The following LEKR1 variants were observed in gnomAD, a reference collection of about 807,000 sequenced individuals.
The protein encoded by LEKR1 is protein LEKR1.
LEKR1 carries 59 observed loss-of-function variants against 72.4 expected under a neutral mutation model. The observed-to-expected ratio is 0.82, with a 90% confidence interval of 0.66 to 1.01. LEKR1 has a LOEUF of 1.01. Ranked by LOEUF, LEKR1 falls within the 50% of genes least tolerant of loss-of-function variation. The pLI is 0.00. For missense variants in LEKR1, 728 were observed against 759.2 expected (o/e 0.96, Z 0.48); for synonymous variants, 257 against 263.2 (o/e 0.98, Z 0.23).
chr3:157,043,360 T>C (rs148034543), intron 12 of LEKR1, among the ~76,000 whole-genome samples: 1 of 152,094 alleles, frequency 6.6e-6, no homozygotes. Context: ...GCAAAAAATA[T>C]AATGGATTGG....
intron 3 of LEKR1, among the ~76,000 whole-genome samples, chr3:156,863,794 T>A (rs7630909): frequency 0.3 from 46,101 of 151,860 alleles, 9,971 homozygotes; most frequent in African/African-American, 0.61. Flanking sequence ...TGGTAAGTTA[T>A]GGTAGAGTGA....
At chr3:156,978,953 G>C (rs1371404532) in intron 6 of LEKR1, among the ~76,000 whole-genome samples, 1 of 152,138 alleles carries the variant, frequency 6.6e-6, no homozygotes. Flanking sequence ...CAGCATGGTG[G>C]TGGGGGCAGA....
chr3:156,863,933 G>T (rs1717039262), intron 3 of LEKR1, among the ~76,000 whole-genome samples: 1 of 152,022 alleles, frequency 6.6e-6, no homozygotes, highest in Non-Finnish European at 1.5e-5. Context: ...ACCAGGGTTG[G>T]TTGAGTTGAC....
At chr3:156,993,042 T>A in intron 8 of LEKR1, 32 bp from the exon 9 acceptor site, 1 of 1,165,970 alleles carries the variant, frequency 8.6e-7, no homozygotes, top group Non-Finnish European at 1.2e-6. Context: ...ATATAATGTA[T>A]GTTGGTGGGT....
At chr3:156,968,144 A>G (rs577696419) in intron 6 of LEKR1, among the ~76,000 whole-genome samples, 1 of 152,318 alleles carries the variant, frequency 6.6e-6, no homozygotes, top group South Asian at 2.1e-4. Flanking sequence ...ATGGAAAGGA[A>G]CAACCAGTAC....
At chr3:156,971,464 G>T (rs1306470771) in intron 6 of LEKR1, among the ~76,000 whole-genome samples, 1 of 152,136 alleles carries the variant, frequency 6.6e-6, no homozygotes, top group Non-Finnish European at 1.5e-5. Context: ...CAAAAGCAAT[G>T]ACAACAAAAG....
intron 12 of LEKR1, among the ~76,000 whole-genome samples, chr3:157,033,744 A>G (rs1313033514): frequency 6.6e-6 from 1 of 152,194 alleles, no homozygotes; most frequent in Non-Finnish European, 1.5e-5. Flanking sequence ...ACATGGAACA[A>G]CCTTCTATTG....
intron 12 of LEKR1, among the ~76,000 whole-genome samples, chr3:157,028,721 A>C (rs1186206772): frequency 6.6e-6 from 1 of 152,142 alleles, no homozygotes; most frequent in African/African-American, 2.4e-5. Flanking sequence ...TTTATGTCTT[A>C]TTTGTTTTAA....
At chr3:156,870,086 C>A (rs548569777) in intron 3 of LEKR1, among the ~76,000 whole-genome samples, 1 of 152,048 alleles carries the variant, frequency 6.6e-6, no homozygotes, top group Non-Finnish European at 1.5e-5. Context: ...ATGCCAATTG[C>A]ATGTTGTTTT....
chr3:156,891,152 G>A (rs1245806960), intron 3 of LEKR1, among the ~76,000 whole-genome samples: 1 of 152,060 alleles, frequency 6.6e-6, no homozygotes, highest in African/African-American at 2.4e-5. Flanking sequence ...GATTACAGGC[G>A]TGAGGCACTG....
chr3:156,829,272 A>G lies in LEKR1; in HGVS notation c.-44-14A>G. The G allele has an allele frequency of 1.0e-6, 1 of 967,278 alleles. No homozygotes were observed. The allele number at this position is 967,278 out of a possible 1,614,324, so 59.9% of individuals were successfully genotyped here. On this transcript the variant is annotated splice_polypyrimidine_tract_variant and intron_variant, in intron 1 of 12. Coordinates refer to ENST00000356539, the MANE Select transcript of LEKR1 (RefSeq NM_001004316.3). ...CATTATTTCTGTTCTGACTGTTGCC[A>G]TCAATGTTCTTAGATTTCCTTTGGC...
chr3:156,963,887 T>C (rs1285583958), intron 6 of LEKR1, among the ~76,000 whole-genome samples: 2 of 152,194 alleles, frequency 1.3e-5, no homozygotes, highest in Admixed American at 6.6e-5. Context: ...TACATTGTTA[T>C]CATTAATGTA....
intron 3 of LEKR1, among the ~76,000 whole-genome samples, chr3:156,877,343 A>G (rs1354053158): frequency 6.6e-6 from 1 of 151,922 alleles, no homozygotes; most frequent in African/African-American, 2.4e-5. Flanking sequence ...TCATAGAATG[A>G]TGTAGGGAGG....
chr3:157,018,327 G>C (rs1337063632), intron 10 of LEKR1, among the ~76,000 whole-genome samples: 1 of 152,068 alleles, frequency 6.6e-6, no homozygotes, highest in Non-Finnish European at 1.5e-5. Context: ...TAACAAACTT[G>C]ACCTAAATTA....
At chr3:156,897,646 T>C (rs958644553) in intron 3 of LEKR1, among the ~76,000 whole-genome samples, 1 of 152,144 alleles carries the variant, frequency 6.6e-6, no homozygotes, top group African/African-American at 2.4e-5. Flanking sequence ...ATGTCCAGGT[T>C]AACATGAAAG....
chr3:157,025,528 G>A (rs572793173), intron 11 of LEKR1, among the ~76,000 whole-genome samples: 1 of 152,184 alleles, frequency 6.6e-6, no homozygotes, highest in South Asian at 2.1e-4. Context: ...CATGCATTAA[G>A]AGTCTGTGTT....
intron 7 of LEKR1, among the ~76,000 whole-genome samples, chr3:156,986,304 A>G (rs1361938992): frequency 6.6e-6 from 1 of 152,202 alleles, no homozygotes; most frequent in Non-Finnish European, 1.5e-5. Context: ...GAATTCTAAG[A>G]GAGTAATCTA....
At chr3:156,892,241 C>T (rs940380248) in intron 3 of LEKR1, among the ~76,000 whole-genome samples, 3 of 151,858 alleles carry the variant, frequency 2.0e-5, no homozygotes, top group Admixed American at 6.6e-5. Flanking sequence ...CCAGACTAAG[C>T]GTAGATAATT....
chr3:156,905,944 G>A (rs1722487495), intron 3 of LEKR1, among the ~76,000 whole-genome samples: 1 of 152,088 alleles, frequency 6.6e-6, no homozygotes, highest in Admixed American at 6.6e-5. Context: ...GACCTTAGTA[G>A]GATGTAATCC....
Sources: gnomAD v4.1 joint callset for allele counts (sites outside exome capture counted in the v4.1 genomes callset) on GRCh38, gnomAD v4.1.1 for gene constraint, MANE v1.5 for transcripts, NCBI Gene and HGNC (gene_info 2026-07-23, HGNC 2026-07-21) for gene names.